GOLGA1: variants seen among roughly 807,000 people sequenced by gnomAD.
GOLGA1 encodes golgin subfamily A member 1.
Under a neutral mutation model 119.7 loss-of-function variants are expected in GOLGA1, and 63 were observed. The ratio of observed to expected loss-of-function variants is 0.53; its 90% CI spans 0.43 to 0.65. The LOEUF (loss-of-function observed/expected upper bound fraction) is 0.65, where lower values mean the gene tolerates loss of function less well. Among genes scored for constraint, GOLGA1 ranks in the 30% least tolerant of loss-of-function variants. The pLI is 0.00. For missense variants in GOLGA1, 798 were observed against 912.8 expected (o/e 0.87, Z 1.62); for synonymous variants, 318 against 333.4 (o/e 0.95, Z 0.50).
At position 124,921,126 on chromosome 9, in the gene GOLGA1, T is replaced by C; in HGVS notation, c.843+3A>G. 1 of 1,539,698 alleles carries C rather than the reference T, an allele frequency of 6.5e-7. No homozygotes were observed. Among genetic ancestry groups the C allele is most frequent in the Non-Finnish European group, 9.0e-7 (1 of 1,112,088 alleles). On this transcript the variant is annotated splice_donor_region_variant and intron_variant, in intron 10 of 22. Transcript: ENST00000373555. ...CCAGGTCTTCTCCTCATATTCTACTTACCTTTTGCAAATCAATGGAAAGCT... is the reference window on the plus strand; with the variant it reads ...CCAGGTCTTCTCCTCATATTCTACTCACCTTTTGCAAATCAATGGAAAGCT...
chr9:124,895,407 CAG>C (rs1193637700), intron 15 of GOLGA1, among the ~76,000 whole-genome samples: 17 of 142,750 alleles, frequency 1.2e-4, no homozygotes, highest in African/African-American at 3.9e-4. Flanking sequence ...CTCTCCACAA[CAG>C]AGACGCTCCA....
In GOLGA1 at chr9:124,888,482, G is replaced by T; in HGVS notation, c.1762-86C>A. The T allele has an allele frequency of 8.2e-7, 1 of 1,221,722 alleles. No individual in the cohort carries two copies. The highest frequency in any genetic ancestry group is 1.2e-6 in the Non-Finnish European group (1 of 839,600). The allele number at this position is 1,221,722 out of a possible 1,614,324, so 75.7% of individuals were successfully genotyped here. A position where few individuals can be genotyped will look rare whatever the true frequency, so the allele number is the denominator to read the frequency against. On this transcript the variant is annotated intron_variant, in intron 18 of 22. Transcript: ENST00000373555. This position sits in a 1 kb window ranked among gnomAD's most constrained non-coding sequence, Gnocchi z 4.4. ...TACACAGGGAAGGGGAGCTAGACTC[G>T]TCCCTTAGGTATGGGCGTTGTGCTC... is the stretch of plus-strand genomic sequence containing the variant.
chr9:124,881,052 A>T lies in GOLGA1; in HGVS notation c.2223+119T>A. On this transcript the variant is annotated intron_variant, in intron 22 of 22. Coordinates refer to ENST00000373555, the MANE Select transcript of GOLGA1 (RefSeq NM_002077.4). The surrounding 1 kb of genome is among the most constrained non-coding windows in gnomAD (Gnocchi z 4.9). ...AGTTCATCCAAAAGCAGCCAAGCTGATCATGCAGCTGTGCTGGTGCCTACA... is the reference window on the plus strand; with the variant it reads ...AGTTCATCCAAAAGCAGCCAAGCTGTTCATGCAGCTGTGCTGGTGCCTACA... 1.4e-6 allele frequency: 1 copy of T among 706,272 alleles called. No individual in the cohort carries two copies. Among genetic ancestry groups the T allele is most frequent in the South Asian group, 1.6e-5 (1 of 61,426 alleles). 43.8% of individuals were successfully genotyped at this position (706,272 alleles called of 1,614,324 possible).
Position 124,921,821 on chromosome 9 carries a change from A to C in GOLGA1, c.633T>G (p.Arg211=), listed in dbSNP as rs140095910. 1.1e-5 allele frequency: 18 copies of C among 1,613,146 alleles called. No homozygotes were observed. The change falls in exon 9 of 23, where the codon CGT becomes CGG. Residue 211 remains arginine, a synonymous_variant. Transcript: ENST00000373555. ...TGGAGTTCATCAACTCCTCCTGGGTACGACTAAGTTCTCTGGTTCGTGCCT... is the reference window on the plus strand; with the variant it reads ...TGGAGTTCATCAACTCCTCCTGGGTCCGACTAAGTTCTCTGGTTCGTGCCT... ...ELEARTRELS[R]TQEELMNSNQ... is the part of the protein sequence containing the mutation.
At chr9:124,882,040 A>G in intron 20 of GOLGA1, 86 bp from the exon 21 acceptor site, 4 of 1,020,164 alleles carry the variant, frequency 3.9e-6, no homozygotes, top group Non-Finnish European at 5.8e-6. Flanking sequence ...GGTCCAAACT[A>G]TGATCACTAT....
In GOLGA1 at chr9:124,938,836, T is replaced by C; in HGVS notation, c.-125A>G. On this transcript the variant is annotated 5_prime_UTR_variant, in exon 3 of 23. Transcript: ENST00000373555. ...CAAGCTAGCTGCATTCCCACTTAAA[T>C]GTGGGCCAAGGGCTTATGGCAACAC... 1 of 712,968 alleles carries C rather than the reference T, an allele frequency of 1.4e-6. No individual in the cohort carries two copies. Among genetic ancestry groups the C allele is most frequent in the Non-Finnish European group, 2.3e-6 (1 of 438,878 alleles). The allele number at this position is 712,968 out of a possible 1,614,324, so 44.2% of individuals were successfully genotyped here. A position where few individuals can be genotyped will look rare whatever the true frequency, so the allele number is the denominator to read the frequency against.
At position 124,921,798 on chromosome 9, in the gene GOLGA1, G is replaced by C. The variant is rs1830575185; in HGVS notation, c.656C>G (p.Ser219Cys). The C allele has an allele frequency of 1.2e-6, 2 of 1,612,856 alleles. No individual in the cohort carries two copies. Among genetic ancestry groups the C allele is most frequent in the African/African-American group, 1.3e-5 (1 of 74,914 alleles). Reference sequence around the variant, plus strand: ...GCTTAAGTCTGATGACATCTGATTGGAGTTCATCAACTCCTCCTGGGTACG... The same window carrying C: ...GCTTAAGTCTGATGACATCTGATTGCAGTTCATCAACTCCTCCTGGGTACG... Reference protein sequence around the residue: ...LSRTQEELMNSNQMSSDLSQK... With the variant: ...LSRTQEELMNCNQMSSDLSQK... The change falls in exon 9 of 23, where the codon TCC becomes TGC. Residue 219 changes from serine to cysteine, a missense_variant. By Grantham distance (112) the Ser-to-Cys change is moderately radical (BLOSUM62 -1). Transcript: ENST00000373555.
At chr9:124,945,233 G>A (rs1422392474), upstream of GOLGA1, 1 of 152,080 alleles carries the variant, frequency 6.6e-6, no homozygotes, top group Non-Finnish European at 1.5e-5. Context: ...ACATGGCACT[G>A]GTTAAAGTAG....
At chr9:124,906,013 T>A (rs1031648104) in intron 12 of GOLGA1, among the ~76,000 whole-genome samples, 6 of 151,604 alleles carry the variant, frequency 4.0e-5, no homozygotes, top group African/African-American at 1.5e-4. Flanking sequence ...CTCAGAAGGC[T>A]GACGCAGAAG....
intron 11 of GOLGA1, among the ~76,000 whole-genome samples, chr9:124,911,655 T>A (rs1830343580): frequency 6.6e-6 from 1 of 152,222 alleles, no homozygotes; most frequent in African/African-American, 2.4e-5. Flanking sequence ...GGTTTATTGG[T>A]GATGAGATGC....
chr9:124,888,156 G>A lies in GOLGA1; in HGVS notation c.1905+97C>T, dbSNP rs1829768253. On this transcript the variant is annotated intron_variant, in intron 19 of 22. Coordinates refer to ENST00000373555, the MANE Select transcript of GOLGA1 (RefSeq NM_002077.4). The surrounding 1 kb of genome is among the most constrained non-coding windows in gnomAD (Gnocchi z 4.4). ...GTCATGGTTGCCAGGAGGTGCGGGG[G>A]AAACCACAAAAACCTCCAAGGATGG... 3 of 1,182,038 alleles carry A rather than the reference G, an allele frequency of 2.5e-6. No individual in the cohort carries two copies. Among genetic ancestry groups the A allele is most frequent in the Non-Finnish European group, 3.7e-6 (3 of 802,456 alleles). 73.2% of individuals were successfully genotyped at this position (1,182,038 alleles called of 1,614,324 possible).
At chr9:124,896,519 T>G (rs1444211939) in intron 15 of GOLGA1, among the ~76,000 whole-genome samples, 1 of 152,266 alleles carries the variant, frequency 6.6e-6, no homozygotes, top group Non-Finnish European at 1.5e-5. Flanking sequence ...ACTTCTGGCC[T>G]AGATTCCTAA....
intron 14 of GOLGA1, among the ~76,000 whole-genome samples, chr9:124,899,047 T>A (rs1830041219): frequency 6.6e-6 from 1 of 152,088 alleles, no homozygotes; most frequent in South Asian, 2.1e-4. Flanking sequence ...AATTTAAAAA[T>A]TAGCTGGCTG....
Position 124,881,380 on chromosome 9 carries a change from TG to T in GOLGA1, c.2137-124del. The T allele has an allele frequency of 1.4e-6, 1 of 715,756 alleles. No individual in the cohort carries two copies. Among genetic ancestry groups the T allele is most frequent in the Non-Finnish European group, 2.6e-6 (1 of 390,132 alleles). 44.3% of individuals were successfully genotyped at this position (715,756 alleles called of 1,614,324 possible). ...CAGGACCAGGTGGTGGGTGACGCTC[TG>T]GCACTCTGAAGTTTGGCAGCAATGA... On this transcript the variant is annotated intron_variant, in intron 21 of 22. Coordinates refer to ENST00000373555, the MANE Select transcript of GOLGA1 (RefSeq NM_002077.4). This position sits in a 1 kb window ranked among gnomAD's most constrained non-coding sequence, Gnocchi z 4.9.
At chr9:124,937,821 G>A (rs1289096804) in intron 3 of GOLGA1, among the ~76,000 whole-genome samples, 4 of 151,954 alleles carry the variant, frequency 2.6e-5, no homozygotes, top group Non-Finnish European at 5.9e-5. Context: ...GGTGGCTCAC[G>A]CCTGTAATCC....
chr9:124,889,225 G>C lies in GOLGA1; in HGVS notation c.1679C>G (p.Ala560Gly), dbSNP rs761786377. 1.4e-5 allele frequency: 22 copies of C among 1,613,486 alleles called. No homozygotes were observed. Among genetic ancestry groups the C allele is most frequent in the Non-Finnish European group, 1.8e-5 (21 of 1,179,884 alleles). The change falls in exon 18 of 23, where the codon GCT becomes GGT. Residue 560 changes from alanine to glycine, a missense_variant. Transcript: ENST00000373555. The part of the protein sequence containing the change: ...EALRTLKAEE[A>G]AVVAEQEDLL... Reference sequence around the variant, plus strand: ...GTCCTCCTGCTCCGCGACCACTGCAGCCTCCTCCGCCTTGAGGGTCCTCAG... The same window carrying C: ...GTCCTCCTGCTCCGCGACCACTGCACCCTCCTCCGCCTTGAGGGTCCTCAG...
Position 124,880,563 on chromosome 9 carries a change from C to G in GOLGA1, c.2271G>C (p.Pro757=). Residue 757 remains proline, a synonymous_variant, in exon 23 of 23, where the codon CCG becomes CCC. Coordinates refer to ENST00000373555, the MANE Select transcript of GOLGA1 (RefSeq NM_002077.4). ...ATGGTATCCGAGGGTTTGAGATAGA[C>G]GGCCGGATGCTGCCCTTGGGAGCTG... ...SKPAPKGSIR[P]SISNPRIPWS 1 of 1,610,202 alleles carries G rather than the reference C, an allele frequency of 6.2e-7. No individual in the cohort carries two copies. Among genetic ancestry groups the G allele is most frequent in the Non-Finnish European group, 8.5e-7 (1 of 1,176,588 alleles).
chr9:124,895,203 C>T (rs1290834763), intron 15 of GOLGA1, among the ~76,000 whole-genome samples: 3 of 150,966 alleles, frequency 2.0e-5, no homozygotes, highest in African/African-American at 7.3e-5. Context: ...GAGAACCATC[C>T]ACAACAGAGA....
Position 124,889,290 on chromosome 9 carries a change from G to A in GOLGA1, c.1614C>T (p.Ala538=), listed in dbSNP as rs1829800758. The A allele has an allele frequency of 1.2e-6, 2 of 1,613,546 alleles. No individual in the cohort carries two copies. The highest frequency in any genetic ancestry group is 2.2e-5 in the East Asian group (1 of 44,878). Residue 538 remains alanine (A), a synonymous_variant, in exon 18 of 23, where the codon GCC becomes GCT. Coordinates refer to ENST00000373555, the MANE Select transcript of GOLGA1 (RefSeq NM_002077.4). ...CCTGCAGCTGGTGTATCTGCAGCAG[G>A]GCAGAGTTGTGACCTAGGTCGGGGA... ...ILQLERGHNS[A]LLQIHQLQAE...
Sources: allele counts gnomAD v4.1 joint callset (sites outside exome capture counted in the v4.1 genomes callset), GRCh38; gene constraint gnomAD v4.1.1; non-coding constraint Gnocchi (gnomAD v3.1); transcripts MANE v1.5; gene names NCBI Gene and HGNC (gene_info 2026-07-23, HGNC 2026-07-21).